The following KCTD14 variants were observed in gnomAD, a reference collection of about 807,000 sequenced individuals.
KCTD14 encodes BTB/POZ domain-containing protein KCTD14.
KCTD14 carries 7 observed loss-of-function variants against 5.9 expected under a neutral mutation model. The observed-to-expected ratio is 1.19, with a 90% CI of 0.68 to 2.23. The LOEUF is 2.23. Among genes scored for constraint, KCTD14 ranks in the 30% most tolerant of loss-of-function variants. The pLI is 0.00. For missense variants in KCTD14, 342 were observed against 332.2 expected, an observed-to-expected ratio of 1.03 and a Z score of -0.23; for synonymous variants, 140 against 133.1, an observed-to-expected ratio of 1.05 and a Z score of -0.36.
chr11:78,030,167 TTC>T (rs1491314370), intron 2 of KCTD14, among the ~76,000 whole-genome samples: 1 of 152,056 alleles, frequency 6.6e-6, no homozygotes, highest in Admixed American at 6.6e-5. Flanking sequence ...TGCTTCTTTT[TTC>T]CCCCCCTCCA....
chr11:78,046,102 C>T lies in KCTD14; in HGVS notation c.-137G>A, dbSNP rs1303669887. 3.0e-6 allele frequency: 3 copies of T among 985,312 alleles called. No individual in the cohort carries two copies. The Admixed American group carries it at 1.8e-4, about 61-fold the overall frequency. The allele number at this position is 985,312 out of a possible 1,614,324, so 61.0% of individuals were successfully genotyped here. ...GAGGACTCCGAGAAAAGCGAGTGAT[C>T]TGCCGAGATTTCCCCCAGAAACAGC... On this transcript the variant is annotated 5_prime_UTR_variant, in exon 1 of 3. Coordinates refer to the KCTD14 transcript ENST00000533144.
At chr11:78,025,056 GTA>G (rs1253898673), upstream of KCTD14, among the ~76,000 whole-genome samples, 1 of 143,744 alleles carries the variant, frequency 7.0e-6, no homozygotes, top group Non-Finnish European at 1.5e-5. Flanking sequence ...ACATATGTGT[GTA>G]TATATACACA....
intron 1 of KCTD14, chr11:78,046,032 G>T (rs1466117787): frequency 3.3e-6 from 3 of 908,074 alleles, no homozygotes; most frequent in Non-Finnish European, 2.6e-6. Flanking sequence ...CAGAATAATG[G>T]CCTGCACTTA....
At chr11:78,037,800 C>A (rs558876220) in intron 2 of KCTD14, among the ~76,000 whole-genome samples, 57 of 152,142 alleles carry the variant, frequency 3.7e-4, no homozygotes, top group Middle Eastern at 3.4e-3. Flanking sequence ...GCCTAGTCAA[C>A]AAGAGTGAGA....
At chr11:78,039,353 CA>C (rs1162486493) in intron 1 of KCTD14, among the ~76,000 whole-genome samples, 1 of 135,444 alleles carries the variant, frequency 7.4e-6, no homozygotes, top group Non-Finnish European at 1.5e-5. Flanking sequence ...CCCATCTCTA[CA>C]AAAAATACAA....
intron 1 of KCTD14, among the ~76,000 whole-genome samples, chr11:78,021,718 G>A (rs539090199): frequency 6.6e-6 from 1 of 152,264 alleles, no homozygotes; most frequent in African/African-American, 2.4e-5. Context: ...ACGCCTGGCT[G>A]AGAGTACGTT....
At chr11:78,023,539 G>T, upstream of KCTD14, 3 of 395,704 alleles carry the variant, frequency 7.6e-6, no homozygotes, top group Non-Finnish European at 1.4e-5. Context: ...TTCAGAGACA[G>T]GGTCTCACTC....
At chr11:78,035,650 C>T (rs996112547) in intron 2 of KCTD14, among the ~76,000 whole-genome samples, 9 of 151,532 alleles carry the variant, frequency 5.9e-5, no homozygotes, top group East Asian at 1.9e-4. Flanking sequence ...TCGAAACCAG[C>T]TCAGCCATCA....
At chr11:78,029,781 T>G (rs1010992247) in intron 2 of KCTD14, among the ~76,000 whole-genome samples, 1 of 151,934 alleles carries the variant, frequency 6.6e-6, no homozygotes, top group African/African-American at 2.4e-5. Flanking sequence ...AAGACTTTTT[T>G]TTTTTCTTTT....
intron 1 of KCTD14, among the ~76,000 whole-genome samples, chr11:78,017,575 G>T (rs779922708): frequency 6.6e-6 from 1 of 151,052 alleles, no homozygotes. Context: ...CTCCCTAATC[G>T]CTGGGACTGC....
intron 1 of KCTD14, chr11:78,046,031 G>A (rs192901579): frequency 1.4e-5 from 13 of 905,344 alleles, no homozygotes; most frequent in African/African-American, 1.8e-5. Context: ...CCAGAATAAT[G>A]GCCTGCACTT....
chr11:78,033,053 G>T (rs574802252), intron 2 of KCTD14, among the ~76,000 whole-genome samples: 2 of 152,216 alleles, frequency 1.3e-5, no homozygotes, highest in Admixed American at 1.3e-4. Flanking sequence ...TGCAAAATGA[G>T]GAGGGAAGAG....
Position 78,029,201 on chromosome 11 carries a change from A to G in KCTD14, c.-1+9463T>C, listed in dbSNP as rs569795685. On this transcript the variant is annotated intron_variant, in intron 2 of 2. Transcript: ENST00000533144. ...CTCTGTCTCCAAAAAAAAAAAAAAA[A>G]AGAGAGATGTATGAAAACAAAACAA... Among the ~76,000 whole-genome samples the G allele has an allele frequency of 8.5e-4, 126 of 149,008 alleles. 1 individual carries two copies. The highest frequency in any genetic ancestry group is 9.8e-4 in the African/African-American group (38 of 38,906).
intron 1 of KCTD14, among the ~76,000 whole-genome samples, chr11:78,045,385 C>T (rs911172576): frequency 6.6e-6 from 1 of 152,142 alleles, no homozygotes; most frequent in Non-Finnish European, 1.5e-5. Context: ...TTAGGTTCTA[C>T]GATAGTGATG....
chr11:78,026,340 G>T (rs1286429118), upstream of KCTD14, among the ~76,000 whole-genome samples: 1 of 152,108 alleles, frequency 6.6e-6, no homozygotes, highest in Non-Finnish European at 1.5e-5. Context: ...CTACTAAGGA[G>T]GCTGAGGCAG....
At chr11:78,030,162 CT>C (rs1400474570) in intron 2 of KCTD14, among the ~76,000 whole-genome samples, 5 of 152,090 alleles carry the variant, frequency 3.3e-5, no homozygotes, top group Admixed American at 1.3e-4. Context: ...CTGCTTGCTT[CT>C]TTTTTCCCCC....
At chr11:78,024,431 C>A (rs964439244), upstream of KCTD14, among the ~76,000 whole-genome samples, 3 of 66,448 alleles carry the variant, frequency 4.5e-5, no homozygotes, top group Non-Finnish European at 1.1e-4. Flanking sequence ...CACACACACA[C>A]ACACACACAC....
intron 2 of KCTD14, among the ~76,000 whole-genome samples, chr11:78,033,020 C>T (rs994162654): frequency 2.0e-5 from 3 of 152,080 alleles, no homozygotes; most frequent in Non-Finnish European, 4.4e-5. Flanking sequence ...TGCTGTCAGA[C>T]CTGGGGCCTC....
intron 1 of KCTD14, among the ~76,000 whole-genome samples, chr11:78,045,169 A>T (rs879603181): frequency 4.6e-5 from 7 of 152,116 alleles, no homozygotes; most frequent in Non-Finnish European, 1.0e-4. Flanking sequence ...AATGGCACAA[A>T]CACAGCCCAC....
Sources: gnomAD v4.1 joint callset for allele counts (sites outside exome capture counted in the v4.1 genomes callset) on GRCh38, gnomAD v4.1.1 for gene constraint, MANE v1.5 for transcripts, NCBI Gene and HGNC (gene_info 2026-07-23, HGNC 2026-07-21) for gene names.